Variants in ZNF84 observed in about 807,000 individuals in gnomAD.
The protein encoded by ZNF84 is zinc finger protein HPF2.
ZNF84 carries 12 observed loss-of-function variants against 14.8 expected under a neutral mutation model. The observed-to-expected ratio is 0.81, with a 90% CI of 0.52 to 1.31. The LOEUF (loss-of-function observed/expected upper bound fraction) is 1.31, where lower values mean the gene tolerates loss of function less well. ZNF84 is among the 50% of genes most tolerant of loss of function. ZNF84 has a pLI of 0.00. For synonymous variants in ZNF84, 347 were observed against 291.1 expected (o/e 1.19, Z -1.96); for missense variants, 859 against 878.6 (o/e 0.98, Z 0.28).
intron 4 of ZNF84, among the ~76,000 whole-genome samples, chr12:133,051,857 A>G (rs1010775465): frequency 1.3e-5 from 2 of 152,164 alleles, no homozygotes; most frequent in East Asian, 1.9e-4. Context: ...AGGGCTTTCT[A>G]TGGATGGTAG....
chr12:133,038,805 AT>A (rs1384429434), intron 1 of ZNF84: 4 of 151,922 alleles, frequency 2.6e-5, no homozygotes, highest in African/African-American at 9.7e-5. Flanking sequence ...TACATATTTT[AT>A]GTATTTTGTC....
chr12:133,048,145 C>T, intron 3 of ZNF84, 64 bp downstream of exon 3: 1 of 1,497,444 alleles, frequency 6.7e-7, no homozygotes, highest in Non-Finnish European at 9.0e-7. Context: ...TTTTTAGTTG[C>T]TGGGAAGTTT....
At chr12:133,049,111 T>G (rs987228360) in intron 4 of ZNF84, among the ~76,000 whole-genome samples, 1 of 152,342 alleles carries the variant, frequency 6.6e-6, no homozygotes, top group South Asian at 2.1e-4. Context: ...TAAGTCACAT[T>G]TAGACGTAGC....
At position 133,057,114 on chromosome 12, in the gene ZNF84, T is replaced by C; in HGVS notation, c.399T>C (p.Asp133=). 1.9e-6 allele frequency: 3 copies of C among 1,612,574 alleles called. No homozygotes were observed. The highest frequency in any genetic ancestry group is 1.7e-5 in the Admixed American group (1 of 59,662). ...AATCAAACAGTGAAGGTGACTTAGA[T>C]GGATTGATTTTAAAACATCATTTAG... The part of the protein sequence containing the change: ...LRKSNSEGDL[D]GLILKHHLDL... The change falls in exon 5 of 5, where the codon GAT becomes GAC. Residue 133 remains aspartate, a synonymous_variant. Coordinates refer to ENST00000539354, the MANE Select transcript of ZNF84 (RefSeq NM_001289971.2).
chr12:133,054,622 C>T (rs200195171), intron 4 of ZNF84, among the ~76,000 whole-genome samples: 33 of 143,262 alleles, frequency 2.3e-4, no homozygotes, highest in South Asian at 4.4e-4. Context: ...AGTGGCTTTC[C>T]TTTTTTTTTT....
intron 3 of ZNF84, chr12:133,048,353 T>TA (rs1254947493): frequency 1.5e-5 from 5 of 337,188 alleles, no homozygotes; most frequent in Non-Finnish European, 2.8e-5. Flanking sequence ...GCATATAACT[T>TA]ACTATATGCC....
At chr12:133,040,621 T>A (rs1593693888) in intron 1 of ZNF84, 1 of 146,866 alleles carries the variant, frequency 6.8e-6, no homozygotes, top group African/African-American at 2.5e-5. Flanking sequence ...TCATCTAAGA[T>A]AAAATAGATT....
intron 3 of ZNF84, 181 bp from the exon 4 acceptor site, chr12:133,048,572 G>A (rs1954022920): frequency 4.3e-6 from 2 of 463,278 alleles, no homozygotes; most frequent in Non-Finnish European, 7.9e-6. Flanking sequence ...GAAGTGTTCA[G>A]TGGCTTTGTA....
intron 1 of ZNF84, among the ~76,000 whole-genome samples, chr12:133,039,668 C>T (rs1259538014): frequency 4.4e-4 from 67 of 152,294 alleles, no homozygotes; most frequent in Non-Finnish European, 1.2e-4. Flanking sequence ...AGGCCCCAGT[C>T]GCTTTCCTTT....
At chr12:133,055,837 A>C (rs1954145593) in intron 4 of ZNF84, among the ~76,000 whole-genome samples, 2 of 152,164 alleles carry the variant, frequency 1.3e-5, no homozygotes, top group African/African-American at 2.4e-5. Context: ...AGTGGCTCAC[A>C]CCTGTAACCC....
At position 133,058,762 on chromosome 12, in the gene ZNF84, T is replaced by C; in HGVS notation, c.2047T>C (p.Tyr683His). 6.2e-7 allele frequency: 1 copy of C among 1,614,020 alleles called. No individual in the cohort carries two copies. Among genetic ancestry groups the C allele is most frequent in the Non-Finnish European group, 8.5e-7 (1 of 1,179,956 alleles). The change falls in exon 5 of 5, where the codon TAT (tyrosine) becomes CAT (histidine). Residue 683 changes from tyrosine to histidine, a missense_variant. Tyr to His is a moderately conservative substitution (Grantham distance 83, BLOSUM62 2). Coordinates refer to ENST00000539354, the MANE Select transcript of ZNF84 (RefSeq NM_001289971.2). ...HQRTHTGEKP[Y>H]GCSECRKAFS... The stretch of plus-strand genomic sequence containing the variant: ...AAGGACACATACGGGTGAGAAACCC[T>C]ATGGATGCAGTGAATGTAGGAAGGC...
At chr12:133,042,330 A>T (rs1953901613) in intron 2 of ZNF84, among the ~76,000 whole-genome samples, 1 of 152,226 alleles carries the variant, frequency 6.6e-6, no homozygotes, top group African/African-American at 2.4e-5. Flanking sequence ...TACAGTAAGA[A>T]CAAATCTATT....
intron 4 of ZNF84, among the ~76,000 whole-genome samples, chr12:133,052,995 C>A (rs1038213586): frequency 1.3e-5 from 2 of 152,192 alleles, no homozygotes; most frequent in African/African-American, 4.8e-5. Context: ...AGCATGGGAA[C>A]TAGACCATAC....
Position 133,060,918 on chromosome 12 carries a change from T to C in ZNF84, c.*1986T>C, listed in dbSNP as rs1954251755. 1 of 152,236 alleles carries C rather than the reference T, an allele frequency of 6.6e-6. No individual in the cohort carries two copies. Among genetic ancestry groups the C allele is most frequent in the Non-Finnish European group, 1.5e-5 (1 of 68,046 alleles). The allele number at this position is 152,236 out of a possible 1,614,324, so 9.4% of individuals were successfully genotyped here. A position where few individuals can be genotyped will look rare whatever the true frequency, so the allele number is the denominator to read the frequency against. Reference sequence around the variant, plus strand: ...TAGAAAAGTCCAATATTGAGCTTGATTGCAAACTTAGAAAAACTCAAGACT... The same window carrying C: ...TAGAAAAGTCCAATATTGAGCTTGACTGCAAACTTAGAAAAACTCAAGACT... On this transcript the variant is annotated 3_prime_UTR_variant, in exon 5 of 5. Coordinates refer to ENST00000539354, the MANE Select transcript of ZNF84 (RefSeq NM_001289971.2).
At position 133,057,214 on chromosome 12, in the gene ZNF84, C is replaced by T; in HGVS notation, c.499C>T (p.His167Tyr). ...DFNVFDNFFL[H>Y]SKPEDTDTWL... ...TAATGTGTTTGATAATTTTTTTCTC[C>T]ATTCCAAGCCTGAGGATACTGATAC... The change falls in exon 5 of 5, where the codon CAT (histidine) becomes TAT (tyrosine). Residue 167 changes from histidine (H) to tyrosine (Y), a missense_variant. Transcript: ENST00000539354. 1.2e-6 allele frequency: 2 copies of T among 1,612,728 alleles called. No homozygotes were observed. The highest frequency in any genetic ancestry group is 1.7e-6 in the Non-Finnish European group (2 of 1,179,654).
At position 133,057,613 on chromosome 12, in the gene ZNF84, T is replaced by G; in HGVS notation, c.898T>G (p.Phe300Val). Reference protein sequence around the residue: ...PYECGECGKAFSRKSHLISHW... With the variant: ...PYECGECGKAVSRKSHLISHW... Reference sequence around the variant, plus strand: ...TGAGTGTGGTGAATGTGGGAAAGCCTTCTCCCGGAAGTCACATCTCATATC... The same window carrying G: ...TGAGTGTGGTGAATGTGGGAAAGCCGTCTCCCGGAAGTCACATCTCATATC... Residue 300 changes from phenylalanine (F) to valine (V), a missense_variant, in exon 5 of 5, where the codon TTC (phenylalanine) becomes GTC (valine). Transcript: ENST00000539354. 1 of 1,614,164 alleles carries G rather than the reference T, an allele frequency of 6.2e-7. No homozygotes were observed. The highest frequency in any genetic ancestry group is 1.6e-4 in the Middle Eastern group (1 of 6,062).
Position 133,061,946 on chromosome 12 carries a change from A to C in ZNF84, c.*3014A>C, listed in dbSNP as rs922112351. The C allele has an allele frequency of 6.6e-6, 1 of 151,942 alleles. No individual in the cohort carries two copies. Among genetic ancestry groups the C allele is most frequent in the Non-Finnish European group, 1.5e-5 (1 of 68,028 alleles). 9.4% of individuals were successfully genotyped at this position (151,942 alleles called of 1,614,324 possible). Reference sequence around the variant, plus strand: ...TTTTGAAATTACCTTGTAAACCACAAATCTGTGTCTCTGCATTGCCCCTTA... The same window carrying C: ...TTTTGAAATTACCTTGTAAACCACACATCTGTGTCTCTGCATTGCCCCTTA... On this transcript the variant is annotated 3_prime_UTR_variant, in exon 5 of 5. Coordinates refer to ENST00000539354, the MANE Select transcript of ZNF84 (RefSeq NM_001289971.2).
rs1377787794 is a variant in ZNF84, at chr12:133,057,297, T to G, written c.582T>G (p.Ile194Met). 14 of 1,612,968 alleles carry G rather than the reference T, an allele frequency of 8.7e-6. No individual in the cohort carries two copies. Among genetic ancestry groups the G allele is most frequent in the African/African-American group, 1.3e-5 (1 of 74,806 alleles). Residue 194 changes from isoleucine to methionine, a missense_variant, in exon 5 of 5, where the codon ATT becomes ATG. Coordinates refer to ENST00000539354, the MANE Select transcript of ZNF84 (RefSeq NM_001289971.2). ...AAGAGAGCTATAAAAAGTCACAGAT[T>G]ATCATATATCATAGAAATCGTTTAG... The part of the protein sequence containing the change: ...KYKESYKKSQ[I>M]IIYHRNRLGE...
intron 4 of ZNF84, among the ~76,000 whole-genome samples, chr12:133,049,853 C>G (rs1954043679): frequency 6.6e-6 from 1 of 152,064 alleles, no homozygotes; most frequent in Non-Finnish European, 1.5e-5. Context: ...TTTTTAAAGC[C>G]TTCCTCCCTC....
Sources: gnomAD v4.1 joint callset for allele counts (sites outside exome capture counted in the v4.1 genomes callset) on GRCh38, gnomAD v4.1.1 for gene constraint, MANE v1.5 for transcripts, NCBI Gene and HGNC (gene_info 2026-07-23, HGNC 2026-07-21) for gene names.